Variants in AUTS2 observed in about 807,000 individuals in gnomAD.
AUTS2 encodes autism susceptibility gene 2 protein.
Under a neutral mutation model 112.4 loss-of-function variants are expected in AUTS2, and 17 were observed. That is an observed-to-expected ratio of 0.15 (90% CI 0.10 to 0.23). AUTS2 has a LOEUF of 0.23. Among genes scored for constraint, AUTS2 ranks in the 10% least tolerant of loss-of-function variants. AUTS2 has a pLI of 1.00. For synonymous variants in AUTS2, 751 were observed against 702.7 expected, an observed-to-expected ratio of 1.07 and a Z score of -1.09; for missense variants, 1,510 against 1,701.6, an observed-to-expected ratio of 0.89 and a Z score of 1.98.
intron 4 of AUTS2, among the ~76,000 whole-genome samples, chr7:70,349,449 A>G (rs1226842044): frequency 2.0e-5 from 3 of 152,222 alleles, no homozygotes; most frequent in Non-Finnish European, 4.4e-5. Context: ...CATCACAAAG[A>G]GAATGATTAT....
chr7:70,465,062 A>T (rs1279102356), intron 5 of AUTS2, among the ~76,000 whole-genome samples: 1 of 152,174 alleles, frequency 6.6e-6, no homozygotes, highest in African/African-American at 2.4e-5. Flanking sequence ...AAAGTACACC[A>T]GCCGGCCTAC....
intron 4 of AUTS2, among the ~76,000 whole-genome samples, chr7:70,385,988 T>C (rs1459877090): frequency 1.3e-5 from 2 of 152,214 alleles, no homozygotes; most frequent in East Asian, 3.9e-4. Flanking sequence ...ACATAGACGT[T>C]GGTCCTCTGT....
intron 4 of AUTS2, among the ~76,000 whole-genome samples, chr7:70,389,795 A>G (rs1182282966): frequency 6.6e-6 from 1 of 152,174 alleles, no homozygotes; most frequent in East Asian, 1.9e-4. Context: ...GCCACTTTGT[A>G]GATTTGGCTG....
At chr7:70,372,658 CTT>C (rs1217902933) in intron 4 of AUTS2, among the ~76,000 whole-genome samples, 5 of 140,272 alleles carry the variant, frequency 3.6e-5, no homozygotes, top group Non-Finnish European at 1.6e-5. Flanking sequence ...TCCTTTCTTT[CTT>C]TTTTTTTTTT....
intron 4 of AUTS2, among the ~76,000 whole-genome samples, chr7:70,250,902 A>G (rs931112444): frequency 1.3e-5 from 2 of 152,088 alleles, no homozygotes; most frequent in Non-Finnish European, 2.9e-5. Flanking sequence ...TCAAAAAACT[A>G]TCAGGTACTA....
At chr7:70,540,165 C>T (rs914548854) in intron 5 of AUTS2, among the ~76,000 whole-genome samples, 2 of 152,138 alleles carry the variant, frequency 1.3e-5, no homozygotes, top group African/African-American at 4.8e-5. Context: ...ATAAGTGTCT[C>T]ATAGTCCTTC....
intron 1 of AUTS2, among the ~76,000 whole-genome samples, chr7:69,633,649 T>C (rs1794379387): frequency 6.6e-6 from 1 of 152,186 alleles, no homozygotes; most frequent in African/African-American, 2.4e-5. Flanking sequence ...CTAATGGGTG[T>C]GTAGTGGTAT....
At chr7:69,713,680 C>T (rs1344438749) in intron 1 of AUTS2, among the ~76,000 whole-genome samples, 1 of 151,960 alleles carries the variant, frequency 6.6e-6, no homozygotes, top group Non-Finnish European at 1.5e-5. Flanking sequence ...AAGCTGGTCT[C>T]GAACTCCTGA....
chr7:70,185,650 C>A (rs1809562517), intron 4 of AUTS2, among the ~76,000 whole-genome samples: 1 of 152,164 alleles, frequency 6.6e-6, no homozygotes, highest in Non-Finnish European at 1.5e-5. Flanking sequence ...CATTTCTTTT[C>A]ATTCTACTTT....
At chr7:69,608,651 T>A (rs1792863589) in intron 1 of AUTS2, among the ~76,000 whole-genome samples, 1 of 152,176 alleles carries the variant, frequency 6.6e-6, no homozygotes, top group African/African-American at 2.4e-5. Context: ...TAATTGAACA[T>A]TAGATTATTA....
chr7:70,594,813 T>G (rs936907675), intron 5 of AUTS2, among the ~76,000 whole-genome samples: 4 of 152,084 alleles, frequency 2.6e-5, no homozygotes, highest in Non-Finnish European at 5.9e-5. Context: ...GAATTATTAC[T>G]AGCTGAGGCC....
intron 5 of AUTS2, among the ~76,000 whole-genome samples, chr7:70,545,865 G>C (rs1331826784): frequency 6.6e-6 from 1 of 152,152 alleles, no homozygotes; most frequent in Non-Finnish European, 1.5e-5. Flanking sequence ...AAGGAGTGGG[G>C]GGAGTGGGTA....
chr7:70,257,400 C>G (rs1786934820), intron 4 of AUTS2, among the ~76,000 whole-genome samples: 1 of 152,184 alleles, frequency 6.6e-6, no homozygotes, highest in African/African-American at 2.4e-5. Flanking sequence ...TCACTGCAAT[C>G]TCCGCCTCCC....
At position 70,790,470 on chromosome 7, in the gene AUTS2, A is replaced by C; in HGVS notation, c.3254A>C (p.His1085Pro). 1 of 1,612,096 alleles carries C rather than the reference A, an allele frequency of 6.2e-7. No individual in the cohort carries two copies. Among genetic ancestry groups the C allele is most frequent in the Non-Finnish European group, 8.5e-7 (1 of 1,179,148 alleles). The change falls in exon 19 of 19, where the codon CAC becomes CCC. Residue 1085 changes from histidine to proline, a missense_variant. This residue lies in a region of AUTS2 where 788 missense variants were observed against 797.6 expected (regional missense o/e 0.99). Coordinates refer to ENST00000342771, the MANE Select transcript of AUTS2 (RefSeq NM_015570.4). The surrounding 1 kb of genome is among the most constrained non-coding windows in gnomAD (Gnocchi z 7.6). ...LRDPYRELDI[H>P]RRDPLGRDFL... ...GATCCTTACCGAGAACTTGACATTC[A>C]CCGGAGAGACCCGCTGGGCAGGGAC... is the stretch of plus-strand genomic sequence containing the variant.
At chr7:70,373,921 A>G (rs947936729) in intron 4 of AUTS2, among the ~76,000 whole-genome samples, 20 of 152,002 alleles carry the variant, frequency 1.3e-4, no homozygotes, top group Admixed American at 1.3e-3. Context: ...ACATTACATC[A>G]CAAGCATATT....
In AUTS2 at chr7:70,204,023, G is replaced by A. The variant is rs186711940; in HGVS notation, c.660+69452G>A. On this transcript the variant is annotated intron_variant, in intron 4 of 18. Coordinates refer to ENST00000342771, the MANE Select transcript of AUTS2 (RefSeq NM_015570.4). ...GTTGTTTGAGCATTTTTGTATATAC[G>A]TGTATGTCCACACACATATACACAA... is the stretch of plus-strand genomic sequence containing the variant. 3.5e-3 allele frequency among the ~76,000 whole-genome samples: 519 copies of A among 147,058 alleles called. 2 individuals carry two copies. The highest frequency in any genetic ancestry group is 0.012 in the African/African-American group (493 of 40,052).
chr7:70,787,114 C>G (rs1791549627), intron 17 of AUTS2, 95 bp from the exon 18 acceptor site: 4 of 1,107,052 alleles, frequency 3.6e-6, no homozygotes, highest in Non-Finnish European at 5.4e-6. Flanking sequence ...CATTTTAACT[C>G]TGAATGCTGT....
intron 1 of AUTS2, among the ~76,000 whole-genome samples, chr7:69,843,665 A>G (rs924634929): frequency 4.6e-5 from 7 of 152,110 alleles, no homozygotes; most frequent in African/African-American, 1.7e-4. Flanking sequence ...GGGAATGTGA[A>G]TATTTTAGAT....
intron 1 of AUTS2, among the ~76,000 whole-genome samples, chr7:69,628,646 C>A (rs184229149): frequency 6.6e-6 from 1 of 152,078 alleles, no homozygotes; most frequent in African/African-American, 2.4e-5. Flanking sequence ...GGGAAGCAGG[C>A]GTGTCTTCAT....
Sources: allele counts gnomAD v4.1 joint callset (sites outside exome capture counted in the v4.1 genomes callset), GRCh38; gene constraint gnomAD v4.1.1; regional missense constraint gnomAD v4.1.1; non-coding constraint Gnocchi (gnomAD v3.1); transcripts MANE v1.5; gene names NCBI Gene and HGNC (gene_info 2026-07-23, HGNC 2026-07-21).